Variants in SMC6 observed in about 807,000 individuals in gnomAD.
SMC6 encodes structural maintenance of chromosomes 6.
SMC6 carries 79 observed loss-of-function variants against 142.2 expected under a neutral mutation model. The ratio of observed to expected loss-of-function variants is 0.56; its 90% CI spans 0.46 to 0.67. The LOEUF is 0.67. SMC6 is among the 30% of genes least tolerant of loss of function. The pLI is 0.00. For missense variants in SMC6, 1,072 were observed against 1,284.0 expected (o/e 0.83, Z 2.52); for synonymous variants, 411 against 412.4 (o/e 1.00, Z 0.04).
chr2:17,705,326 C>T (rs776264876), intron 18 of SMC6, among the ~76,000 whole-genome samples: 6 of 151,612 alleles, frequency 4.0e-5, no homozygotes, highest in African/African-American at 9.7e-5. Context: ...CCTGTAATCT[C>T]AGCACTTTAG....
At chr2:17,711,466 G>C (rs1489375547) in intron 16 of SMC6, among the ~76,000 whole-genome samples, 3 of 151,998 alleles carry the variant, frequency 2.0e-5, no homozygotes, top group Non-Finnish European at 4.4e-5. Flanking sequence ...AGTATAATAG[G>C]CCTCACTGGT....
chr2:17,740,429 C>A (rs549345389), intron 4 of SMC6, among the ~76,000 whole-genome samples: 1 of 152,234 alleles, frequency 6.6e-6, no homozygotes, highest in East Asian at 1.9e-4. Flanking sequence ...GCCAACACCT[C>A]ATTCTTGGCA....
chr2:17,723,427 C>G (rs7598718), intron 9 of SMC6, among the ~76,000 whole-genome samples: 1 of 152,160 alleles, frequency 6.6e-6, no homozygotes, highest in African/African-American at 2.4e-5. Flanking sequence ...TCTCTCACAC[C>G]TGTGTTTTAC....
At chr2:17,679,292 A>C (rs187828267) in intron 24 of SMC6, 6 of 198,274 alleles carry the variant, frequency 3.0e-5, no homozygotes, top group South Asian at 2.3e-4. Flanking sequence ...TAATAATCTA[A>C]GGCATTACCC....
chr2:17,753,670 T>C lies in SMC6; in HGVS notation c.-137A>G, dbSNP rs897304658. 6.1e-4 allele frequency: 93 copies of C among 152,312 alleles called. No individual in the cohort carries two copies. Among genetic ancestry groups the C allele is most frequent in the African/African-American group, 1.6e-3 (68 of 41,580 alleles). The allele number at this position is 152,312 out of a possible 1,614,324, so 9.4% of individuals were successfully genotyped here. On this transcript the variant is annotated 5_prime_UTR_variant, in exon 1 of 28. Coordinates refer to ENST00000448223, the MANE Select transcript of SMC6 (RefSeq NM_001142286.2). Reference sequence around the variant, plus strand: ...CCCAAAGGAACCTGATCGGCGGGGCTGCCGTGGTACGACCGGCCGCTAAGG... The same window carrying C: ...CCCAAAGGAACCTGATCGGCGGGGCCGCCGTGGTACGACCGGCCGCTAAGG...
chr2:17,666,217 A>C (rs193162993), intron 27 of SMC6, among the ~76,000 whole-genome samples: 3 of 152,248 alleles, frequency 2.0e-5, no homozygotes, highest in Admixed American at 1.3e-4. Flanking sequence ...AACTTGCTTC[A>C]GTTATGAAAG....
chr2:17,692,091 G>A (rs945005720), intron 23 of SMC6, among the ~76,000 whole-genome samples: 1 of 152,170 alleles, frequency 6.6e-6, no homozygotes, highest in African/African-American at 2.4e-5. Context: ...CCATGCTCAT[G>A]GGTAGGAAGA....
chr2:17,742,139 C>T (rs565994789), intron 3 of SMC6, among the ~76,000 whole-genome samples: 1 of 152,014 alleles, frequency 6.6e-6, no homozygotes, highest in Non-Finnish European at 1.5e-5. Context: ...CCCTGGGGGG[C>T]GCAAAAGGGA....
At chr2:17,749,682 C>T (rs1039501568) in intron 2 of SMC6, among the ~76,000 whole-genome samples, 1 of 151,456 alleles carries the variant, frequency 6.6e-6, no homozygotes. Context: ...AGCGATACTC[C>T]GTCTCAAAAA....
intron 9 of SMC6, among the ~76,000 whole-genome samples, chr2:17,722,696 G>A (rs1481511348): frequency 6.6e-6 from 1 of 152,108 alleles, no homozygotes; most frequent in African/African-American, 2.4e-5. Flanking sequence ...CGGACCACAT[G>A]GTATATCTCA....
intron 24 of SMC6, among the ~76,000 whole-genome samples, chr2:17,683,003 A>G (rs1451363332): frequency 6.6e-6 from 1 of 152,088 alleles, no homozygotes; most frequent in Non-Finnish European, 1.5e-5. Context: ...TGGAAGGACT[A>G]GGGCTGTCTC....
intron 20 of SMC6, 46 bp from the exon 21 acceptor site, chr2:17,700,424 G>C: frequency 7.1e-7 from 1 of 1,413,542 alleles, no homozygotes. Context: ...AATACTTTAA[G>C]TTTTCAAATA....
intron 12 of SMC6, 68 bp from the exon 13 acceptor site, chr2:17,717,244 G>C: frequency 8.6e-7 from 1 of 1,160,706 alleles, no homozygotes; most frequent in Non-Finnish European, 1.2e-6. Flanking sequence ...GTCCACTTTT[G>C]TCAAATCTTC....
intron 5 of SMC6, among the ~76,000 whole-genome samples, chr2:17,737,733 GT>G (rs150350772): frequency 0.018 from 2,676 of 152,286 alleles, 73 homozygotes; most frequent in African/African-American, 0.062. Context: ...AACCTACTTG[GT>G]TAAAGGGTAT....
chr2:17,720,523 C>A (rs1669316220), intron 11 of SMC6, among the ~76,000 whole-genome samples: 1 of 152,198 alleles, frequency 6.6e-6, no homozygotes, highest in Admixed American at 6.5e-5. Flanking sequence ...GCATTGTTTT[C>A]AGTTCTGAGT....
At chr2:17,708,104 T>C (rs1160257330) in intron 17 of SMC6, among the ~76,000 whole-genome samples, 1 of 151,948 alleles carries the variant, frequency 6.6e-6, no homozygotes, top group Non-Finnish European at 1.5e-5. Flanking sequence ...TTGTTTTAAA[T>C]AACGAGACAA....
At chr2:17,705,832 T>G (rs1392607775) in intron 18 of SMC6, among the ~76,000 whole-genome samples, 2 of 152,212 alleles carry the variant, frequency 1.3e-5, no homozygotes, top group Non-Finnish European at 2.9e-5. Flanking sequence ...GAGAACATGT[T>G]ACCTAATGAA....
chr2:17,700,475 G>C, intron 20 of SMC6, 97 bp from the exon 21 acceptor site: 2 of 912,572 alleles, frequency 2.2e-6, no homozygotes, highest in Non-Finnish European at 3.2e-6. Flanking sequence ...AGAAACTATA[G>C]GCTATATGCA....
intron 25 of SMC6, among the ~76,000 whole-genome samples, chr2:17,675,076 C>T (rs1463005860): frequency 6.6e-6 from 1 of 151,934 alleles, no homozygotes; most frequent in Non-Finnish European, 1.5e-5. Flanking sequence ...TTCTTTATTT[C>T]TCTTCCCTTT....
Sources: allele counts gnomAD v4.1 joint callset (sites outside exome capture counted in the v4.1 genomes callset), GRCh38; gene constraint gnomAD v4.1.1; transcripts MANE v1.5; gene names NCBI Gene and HGNC (gene_info 2026-07-23, HGNC 2026-07-21).